CCDC171: variants seen among roughly 807,000 people sequenced by gnomAD.
The protein encoded by CCDC171 is coiled-coil domain containing 171.
In CCDC171, 177 loss-of-function variants were observed where a neutral mutation model predicts 168.2. That is an observed-to-expected ratio of 1.05 (90% CI 0.93 to 1.19). The LOEUF (loss-of-function observed/expected upper bound fraction) is 1.19. Among genes scored for constraint, CCDC171 ranks in the 50% most tolerant of loss-of-function variants. CCDC171 has a pLI of 0.00. For synonymous variants in CCDC171, 687 were observed against 540.8 expected, an observed-to-expected ratio of 1.27 and a Z score of -3.75; for missense variants, 1,991 against 1,539.0, an observed-to-expected ratio of 1.29 and a Z score of -4.91.
the CCDC171 span, among the ~76,000 whole-genome samples, chr9:16,082,678 C>T: frequency 7.9e-5 from 12 of 152,322 alleles, 1 homozygote; most frequent in South Asian, 2.5e-3. Context: ...TAAGTACACG[C>T]ATGCGTGAGC....
intron 24 of CCDC171, among the ~76,000 whole-genome samples, chr9:15,893,200 G>A (rs1450177923): frequency 6.6e-6 from 1 of 152,058 alleles, no homozygotes; most frequent in Non-Finnish European, 1.5e-5. Context: ...TCCCTATTTA[G>A]TAAATGGTGC....
chr9:15,956,608 G>C (rs879942834), intron 25 of CCDC171, among the ~76,000 whole-genome samples: 15 of 152,042 alleles, frequency 9.9e-5, no homozygotes, highest in Non-Finnish European at 1.9e-4. Flanking sequence ...GCTTAGAAGT[G>C]AACATATTGG....
intron 1 of CCDC171, among the ~76,000 whole-genome samples, chr9:16,052,586 T>C (rs754824150): frequency 6.6e-6 from 1 of 152,236 alleles, no homozygotes; most frequent in East Asian, 1.9e-4. Context: ...AAAATAAAAT[T>C]TGCCTCCTAA....
intron 7 of CCDC171, among the ~76,000 whole-genome samples, chr9:15,631,394 C>T (rs2045681585): frequency 1.3e-5 from 2 of 152,156 alleles, no homozygotes; most frequent in Admixed American, 1.3e-4. Flanking sequence ...GTATAAACAC[C>T]TCTACGCAAA....
chr9:15,564,012 T>G lies in CCDC171; in HGVS notation c.-77T>G. 1 of 1,159,002 alleles carries G rather than the reference T, an allele frequency of 8.6e-7. No individual in the cohort carries two copies. The highest frequency in any genetic ancestry group is 1.3e-6 in the Non-Finnish European group (1 of 780,144). 71.8% of individuals were successfully genotyped at this position (1,159,002 alleles called of 1,614,324 possible). ...CATCTAACGTGAAGCCACAGACATC[T>G]TGGGCAATTTTAATCATCAAGAAAG... On this transcript the variant is annotated 5_prime_UTR_variant, in exon 2 of 26. Transcript: ENST00000380701.
At chr9:16,044,215 C>A (rs1480852557) in intron 1 of CCDC171, among the ~76,000 whole-genome samples, 1 of 152,200 alleles carries the variant, frequency 6.6e-6, no homozygotes, top group East Asian at 1.9e-4. Context: ...AAGCAACTTT[C>A]ATTGAAGGAT....
At chr9:15,745,682 C>G in intron 18 of CCDC171, 51 bp downstream of exon 18, 6 of 1,071,424 alleles carry the variant, frequency 5.6e-6, no homozygotes, top group Non-Finnish European at 8.0e-6. Flanking sequence ...GAACAAATAT[C>G]CAGAAATTCT....
intron 23 of CCDC171, among the ~76,000 whole-genome samples, chr9:15,852,663 T>G (rs1268723055): frequency 1.3e-5 from 2 of 151,724 alleles, no homozygotes; most frequent in African/African-American, 4.8e-5. Flanking sequence ...AAATGCAAAG[T>G]CGTGAAGCTT....
At chr9:15,903,058 C>G (rs553960823) in intron 24 of CCDC171, among the ~76,000 whole-genome samples, 5 of 152,158 alleles carry the variant, frequency 3.3e-5, no homozygotes, top group Non-Finnish European at 7.4e-5. Context: ...TGGAGCCCAC[C>G]GCAGCTCAAG....
intron 21 of CCDC171, among the ~76,000 whole-genome samples, chr9:15,791,131 A>T (rs1249311874): frequency 2.0e-5 from 3 of 152,116 alleles, no homozygotes; most frequent in Middle Eastern, 3.2e-3. Flanking sequence ...CAATTCTGTG[A>T]AGAAAGTCAT....
At chr9:16,061,689 C>T (rs10114873), downstream of CCDC171, 1 of 152,142 alleles carries the variant, frequency 6.6e-6, no homozygotes, top group Non-Finnish European at 1.5e-5. Context: ...AAGAACTATG[C>T]TAAGCACTTT....
intron 7 of CCDC171, among the ~76,000 whole-genome samples, chr9:15,642,323 ATATATACACGTGTGTGTGTG>A (rs1465176534): frequency 6.4e-5 from 9 of 141,104 alleles, no homozygotes; most frequent in South Asian, 2.2e-4. Context: ...ACGTATATAT[ATATATACACGTGTGTGTGTG>A]TATATATATA....
chr9:15,701,578 T>C (rs191538636), intron 11 of CCDC171, among the ~76,000 whole-genome samples: 1,540 of 51,020 alleles, frequency 0.03, 36 homozygotes, highest in African/African-American at 0.06. Flanking sequence ...TACAATTCCA[T>C]TTTTTTTTTT....
the CCDC171 span, among the ~76,000 whole-genome samples, chr9:16,095,250 C>T: frequency 2.0e-5 from 3 of 152,206 alleles, no homozygotes; most frequent in Non-Finnish European, 4.4e-5. Flanking sequence ...TGACTCTGAG[C>T]AAGGCAAGGA....
At position 15,722,574 on chromosome 9, in the gene CCDC171, ATTAG is replaced by A. The variant is rs1333657836; in HGVS notation, c.1425+704_1425+707del. 4.6e-5 allele frequency among the ~76,000 whole-genome samples: 7 copies of A among 152,388 alleles called. No individual in the cohort carries two copies. The Middle Eastern group carries it at 0.014, about 296-fold the overall frequency. On this transcript the variant is annotated intron_variant, in intron 12 of 25. Transcript: ENST00000380701. ...ATATGAAGTAATTACATTAAATACA[ATTAG>A]TTAGCAAAGCAACAAACAGATTGTT...
intron 24 of CCDC171, among the ~76,000 whole-genome samples, chr9:15,893,994 C>T (rs975088989): frequency 2.0e-5 from 3 of 152,156 alleles, no homozygotes; most frequent in African/African-American, 7.2e-5. Context: ...CGTTGTAGCA[C>T]TGTTCACAAT....
At chr9:15,835,340 TA>T (rs1326953836) in intron 21 of CCDC171, among the ~76,000 whole-genome samples, 1 of 152,224 alleles carries the variant, frequency 6.6e-6, no homozygotes, top group Non-Finnish European at 1.5e-5. Flanking sequence ...TAGAGCACAT[TA>T]AAAATCAGTT....
chr9:15,702,927 G>A (rs193158071), intron 11 of CCDC171, among the ~76,000 whole-genome samples: 11 of 149,276 alleles, frequency 7.4e-5, no homozygotes, highest in East Asian at 2.0e-4. Context: ...TCCCTGAGAC[G>A]GAGTCTCACT....
chr9:15,662,831 A>T (rs901386294), intron 8 of CCDC171, among the ~76,000 whole-genome samples: 1 of 151,766 alleles, frequency 6.6e-6, no homozygotes, highest in Non-Finnish European at 1.5e-5. Flanking sequence ...AAATACCAAA[A>T]TTAGCTGGGT....
Sources: gnomAD v4.1 joint callset for allele counts (sites outside exome capture counted in the v4.1 genomes callset) on GRCh38, gnomAD v4.1.1 for gene constraint, MANE v1.5 for transcripts, NCBI Gene and HGNC (gene_info 2026-07-23, HGNC 2026-07-21) for gene names.